MALRD1: variants seen among roughly 807,000 people sequenced by gnomAD.
The protein encoded by MALRD1 is MAM and LDL receptor class A domain containing 1.
MALRD1 carries 247 observed loss-of-function variants against 242.1 expected under a neutral mutation model. The ratio of observed to expected loss-of-function variants is 1.02; its 90% CI spans 0.92 to 1.13. MALRD1 has a LOEUF of 1.13. MALRD1 is among the 50% of genes most tolerant of loss of function. The pLI is 0.00. For synonymous variants in MALRD1, 995 were observed against 866.6 expected (o/e 1.15, Z -2.60); for missense variants, 2,989 against 2,533.1 (o/e 1.18, Z -3.86).
At chr10:19,380,299 A>T (rs1419300224) in intron 26 of MALRD1, among the ~76,000 whole-genome samples, 2 of 147,942 alleles carry the variant, frequency 1.4e-5, no homozygotes, top group African/African-American at 5.0e-5. Flanking sequence ...TTTTGATTGA[A>T]TGACCCTTTA....
intron 18 of MALRD1, among the ~76,000 whole-genome samples, chr10:19,210,264 T>C (rs1889514): frequency 0.25 from 37,617 of 152,116 alleles, 5,565 homozygotes; most frequent in Admixed American, 0.32. Flanking sequence ...AAAGGAATTT[T>C]ATATATTATC....
intron 36 of MALRD1, among the ~76,000 whole-genome samples, chr10:19,691,381 A>AT (rs1486122892): frequency 7.2e-5 from 11 of 152,236 alleles, no homozygotes; most frequent in African/African-American, 2.4e-4. Flanking sequence ...TTTAAAAGTG[A>AT]TTAAGTGAAA....
At chr10:19,381,582 C>A (rs1845839570) in intron 26 of MALRD1, among the ~76,000 whole-genome samples, 1 of 151,486 alleles carries the variant, frequency 6.6e-6, no homozygotes, top group South Asian at 2.1e-4. Flanking sequence ...AATCCCAGCA[C>A]AACGGGAGGC....
chr10:19,511,373 C>T (rs774190336), intron 31 of MALRD1, among the ~76,000 whole-genome samples: 8 of 152,082 alleles, frequency 5.3e-5, no homozygotes, highest in Non-Finnish European at 1.0e-4. Flanking sequence ...ACAGACAGTT[C>T]CCTTTAAGAT....
chr10:19,141,628 A>G (rs1038064652), intron 10 of MALRD1, among the ~76,000 whole-genome samples: 2 of 151,614 alleles, frequency 1.3e-5, no homozygotes, highest in Non-Finnish European at 2.9e-5. Context: ...TATATATAGA[A>G]TCTACTTCAC....
chr10:19,478,043 C>G (rs777927346), intron 29 of MALRD1, among the ~76,000 whole-genome samples: 1 of 152,142 alleles, frequency 6.6e-6, no homozygotes, highest in Non-Finnish European at 1.5e-5. Flanking sequence ...ACAGGCTGCT[C>G]TTTGTTGGAA....
intron 28 of MALRD1, among the ~76,000 whole-genome samples, chr10:19,427,159 T>C (rs1385679807): frequency 6.6e-6 from 1 of 152,188 alleles, no homozygotes; most frequent in Non-Finnish European, 1.5e-5. Flanking sequence ...ATAAAAGCAA[T>C]ATTTTTTCTT....
intron 26 of MALRD1, among the ~76,000 whole-genome samples, chr10:19,387,235 G>T (rs1166883584): frequency 6.6e-6 from 1 of 150,618 alleles, no homozygotes; most frequent in Admixed American, 6.6e-5. Context: ...CTTGAACACA[G>T]TTTACAAGGA....
chr10:19,209,171 G>C, intron 17 of MALRD1, 97 bp from the exon 18 acceptor site: 3 of 1,151,354 alleles, frequency 2.6e-6, no homozygotes, highest in Non-Finnish European at 3.5e-6. Flanking sequence ...CATGAGCAAA[G>C]TATCAACTAG....
intron 36 of MALRD1, among the ~76,000 whole-genome samples, chr10:19,664,480 T>G (rs980546179): frequency 6.6e-6 from 1 of 151,868 alleles, no homozygotes; most frequent in Non-Finnish European, 1.5e-5. Flanking sequence ...TGATGATGAG[T>G]GTAGTTGTAA....
At chr10:19,220,657 C>T (rs749388110) in intron 18 of MALRD1, among the ~76,000 whole-genome samples, 5 of 152,114 alleles carry the variant, frequency 3.3e-5, no homozygotes, top group African/African-American at 4.8e-5. Context: ...CCAGTGTTAA[C>T]GAATCGATGG....
At chr10:19,251,803 C>T (rs1365200230) in intron 18 of MALRD1, among the ~76,000 whole-genome samples, 1 of 151,932 alleles carries the variant, frequency 6.6e-6, no homozygotes, top group Non-Finnish European at 1.5e-5. Flanking sequence ...GGGGGCAGGA[C>T]TGGTGAAAGT....
In MALRD1 at chr10:19,669,140, G is replaced by A. The variant is rs574543289; in HGVS notation, c.6138-23142G>A. ...TACTGGAGTGATCTTCTTAGAAACT[G>A]GAAGATGATAGAGTTATCTAGAAGC... On this transcript the variant is annotated intron_variant, in intron 36 of 39. Transcript: ENST00000454679. 4.3e-4 allele frequency among the ~76,000 whole-genome samples: 66 copies of A among 152,306 alleles called. No individual in the cohort carries two copies. The Middle Eastern group carries it at 0.01, about 24-fold the overall frequency.
intron 29 of MALRD1, among the ~76,000 whole-genome samples, chr10:19,458,046 T>G (rs541874534): frequency 6.6e-6 from 1 of 152,190 alleles, no homozygotes; most frequent in South Asian, 2.1e-4. Context: ...ATATGACTAT[T>G]TTTATACTAG....
At chr10:19,369,705 T>G (rs1845288986) in intron 26 of MALRD1, among the ~76,000 whole-genome samples, 1 of 150,588 alleles carries the variant, frequency 6.6e-6, no homozygotes, top group African/African-American at 2.5e-5. Context: ...TTTAAATATA[T>G]ATAAGTACAC....
rs1433285846 is a variant in MALRD1, at chr10:19,719,197, T to TAC, written c.6315-11508_6315-11507insCA. On this transcript the variant is annotated intron_variant, in intron 38 of 39. Coordinates refer to ENST00000454679, the MANE Select transcript of MALRD1 (RefSeq NM_001142308.3). ...ATACATATATATATATATACATACA[T>TAC]ATATATATATATATACACATACATA... is the stretch of plus-strand genomic sequence containing the variant. Among the ~76,000 whole-genome samples, 185 of 31,620 alleles carry TAC rather than the reference T, an allele frequency of 5.9e-3. 4 individuals are homozygous for TAC. Among genetic ancestry groups the TAC allele is most frequent in the African/African-American group, 0.025 (177 of 7,214 alleles). 20.7% of individuals were successfully genotyped at this position (31,620 alleles called of 152,430 possible). A position where few individuals can be genotyped will look rare whatever the true frequency, so the allele number is the denominator to read the frequency against.
At chr10:19,506,214 T>C (rs1266780480) in intron 31 of MALRD1, among the ~76,000 whole-genome samples, 1 of 152,240 alleles carries the variant, frequency 6.6e-6, no homozygotes, top group African/African-American at 2.4e-5. Flanking sequence ...TATTGTGTGC[T>C]AAGCAACAGA....
At chr10:19,391,732 A>T (rs760121161) in intron 28 of MALRD1, among the ~76,000 whole-genome samples, 10 of 150,814 alleles carry the variant, frequency 6.6e-5, no homozygotes, top group South Asian at 2.1e-4. Flanking sequence ...AGTGTCTTGC[A>T]GTTCCAGAAA....
intron 28 of MALRD1, among the ~76,000 whole-genome samples, chr10:19,442,308 A>G (rs1481861663): frequency 1.3e-5 from 2 of 152,066 alleles, no homozygotes; most frequent in Non-Finnish European, 2.9e-5. Flanking sequence ...CTTTTTTCCT[A>G]ATTGAATACC....
Sources: allele counts gnomAD v4.1 joint callset (sites outside exome capture counted in the v4.1 genomes callset), GRCh38; gene constraint gnomAD v4.1.1; transcripts MANE v1.5; gene names NCBI Gene and HGNC (gene_info 2026-07-23, HGNC 2026-07-21).